Variants in GALNT13 observed in about 807,000 individuals in gnomAD.
GALNT13 encodes UDP-GalNAc:polypeptide N-acetylgalactosaminyltransferase 13.
GALNT13 carries 28 observed loss-of-function variants against 64.2 expected under a neutral mutation model. The ratio of observed to expected loss-of-function variants is 0.44; its 90% confidence interval spans 0.32 to 0.60. The LOEUF (loss-of-function observed/expected upper bound fraction) is 0.60, where lower values mean the gene tolerates loss of function less well. Among genes scored for constraint, GALNT13 ranks in the 20% least tolerant of loss-of-function variants. The probability of loss-of-function intolerance (pLI) is 0.05; values close to 1 mark genes in which losing one functional copy is unlikely to be tolerated. For synonymous variants in GALNT13, 214 were observed against 224.6 expected (o/e 0.95, Z 0.42); for missense variants, 577 against 669.8 (o/e 0.86, Z 1.53).
intron 9 of GALNT13, among the ~76,000 whole-genome samples, chr2:154,325,221 A>G (rs1286388450): frequency 6.6e-6 from 1 of 152,114 alleles, no homozygotes; most frequent in Non-Finnish European, 1.5e-5. Context: ...ACCTATGCCT[A>G]AAAAATGATG....
intron 3 of GALNT13, among the ~76,000 whole-genome samples, chr2:153,961,758 G>A (rs1322691465): frequency 6.6e-6 from 1 of 152,156 alleles, no homozygotes; most frequent in African/African-American, 2.4e-5. Context: ...TGATTAGAGA[G>A]TGGGTAACAA....
chr2:153,828,541 G>A, the GALNT13 span, among the ~76,000 whole-genome samples: 2 of 151,914 alleles, frequency 1.3e-5, no homozygotes, highest in Non-Finnish European at 2.9e-5. Context: ...GCTGGGACAC[G>A]GGGTACAAAG....
the GALNT13 span, among the ~76,000 whole-genome samples, chr2:153,584,528 A>G: frequency 6.6e-6 from 1 of 152,296 alleles, no homozygotes; most frequent in East Asian, 1.9e-4. Flanking sequence ...CATGACCACT[A>G]CTACCACCAT....
intron 2 of GALNT13, among the ~76,000 whole-genome samples, chr2:153,940,421 C>A (rs1172765988): frequency 1.3e-5 from 2 of 151,990 alleles, no homozygotes; most frequent in African/African-American, 4.8e-5. Context: ...CCACGCCCAG[C>A]TAATTTTACA....
intron 3 of GALNT13, among the ~76,000 whole-genome samples, chr2:154,004,025 A>T (rs1696088524): frequency 6.6e-6 from 1 of 152,146 alleles, no homozygotes; most frequent in Non-Finnish European, 1.5e-5. Flanking sequence ...AGACTAATAC[A>T]TACCTTTAAT....
the GALNT13 span, among the ~76,000 whole-genome samples, chr2:153,500,721 CA>C: frequency 3.0e-5 from 1 of 33,316 alleles, no homozygotes. Flanking sequence ...AGAAGAGGAT[CA>C]AACAAGAGGA....
At position 154,081,621 on chromosome 2, in the gene GALNT13, A is replaced by T. The variant is rs542446417; in HGVS notation, c.143-58716A>T. On this transcript the variant is annotated intron_variant, in intron 3 of 12. Transcript: ENST00000392825. ...TGCCCTGAAAATACTTTCTACTTGT[A>T]TCCTCACCCAAATTATACGCATTTA... Among the ~76,000 whole-genome samples, 6 of 151,794 alleles carry T rather than the reference A, an allele frequency of 4.0e-5. No individual in the cohort carries two copies. The East Asian group carries it at 1.2e-3, about 29-fold the overall frequency.
At chr2:154,437,998 G>T in intron 11 of GALNT13, 1 of 179,132 alleles carries the variant, frequency 5.6e-6, no homozygotes. Context: ...GACATTTCTT[G>T]GATATTTTCA....
chr2:153,247,147 G>A, the GALNT13 span, among the ~76,000 whole-genome samples: 1 of 152,074 alleles, frequency 6.6e-6, no homozygotes, highest in Admixed American at 6.6e-5. Context: ...AAAGTTCTTA[G>A]AGACCTACAG....
the GALNT13 span, among the ~76,000 whole-genome samples, chr2:153,171,471 G>A: frequency 1.3e-5 from 2 of 151,920 alleles, no homozygotes; most frequent in African/African-American, 4.8e-5. Flanking sequence ...TCACTAGAAT[G>A]GCTAACAAAA....
At chr2:153,188,579 A>G in the GALNT13 span, among the ~76,000 whole-genome samples, 1 of 152,168 alleles carries the variant, frequency 6.6e-6, no homozygotes, top group African/African-American at 2.4e-5. Flanking sequence ...AGCTTTGTCT[A>G]ACTCCAGGAA....
chr2:154,192,461 A>G (rs1686647588), intron 4 of GALNT13, among the ~76,000 whole-genome samples: 1 of 152,120 alleles, frequency 6.6e-6, no homozygotes, highest in African/African-American at 2.4e-5. Context: ...TACATGGACC[A>G]TGAAGTCAGC....
rs148790280 is a variant in GALNT13, at chr2:154,023,656, A to G, written c.142+79017A>G. Among the ~76,000 whole-genome samples, 988 of 152,246 alleles carry G rather than the reference A, an allele frequency of 6.5e-3. 8 individuals carry two copies. The highest frequency in any genetic ancestry group is 0.022 in the African/African-American group (915 of 41,544). On this transcript the variant is annotated intron_variant, in intron 3 of 12. Coordinates refer to ENST00000392825, the MANE Select transcript of GALNT13 (RefSeq NM_052917.4). Reference sequence around the variant, plus strand: ...GTCTTGACTCTTTATCCAGTTTGCCAGTCTGTGTCTTTTAATTGGAGCATT... The same window carrying G: ...GTCTTGACTCTTTATCCAGTTTGCCGGTCTGTGTCTTTTAATTGGAGCATT...
chr2:154,208,692 A>G (rs1687607847), intron 4 of GALNT13, among the ~76,000 whole-genome samples: 1 of 150,428 alleles, frequency 6.6e-6, no homozygotes, highest in South Asian at 2.1e-4. Flanking sequence ...TTTTATGCCT[A>G]GAACAGTGCT....
intron 3 of GALNT13, among the ~76,000 whole-genome samples, chr2:153,964,026 G>T (rs1478790696): frequency 6.6e-6 from 1 of 151,914 alleles, no homozygotes; most frequent in Non-Finnish European, 1.5e-5. Flanking sequence ...TTTAAGATTT[G>T]ATTTAATTTT....
the GALNT13 span, among the ~76,000 whole-genome samples, chr2:153,741,824 A>C: frequency 6.6e-6 from 1 of 152,096 alleles, no homozygotes; most frequent in African/African-American, 2.4e-5. Context: ...ATCTCTTTTA[A>C]AAAATTAATT....
chr2:154,306,618 T>TTG (rs1553512828), intron 9 of GALNT13, among the ~76,000 whole-genome samples: 1 of 126,408 alleles, frequency 7.9e-6, no homozygotes, highest in Non-Finnish European at 1.7e-5. Context: ...GATAATTTGG[T>TTG]GGGGGGGGGG....
At chr2:153,742,681 C>T in the GALNT13 span, among the ~76,000 whole-genome samples, 1 of 152,002 alleles carries the variant, frequency 6.6e-6, no homozygotes, top group Non-Finnish European at 1.5e-5. Context: ...ATTTGATTAT[C>T]TGATTTTGAG....
At chr2:153,385,128 G>T in the GALNT13 span, among the ~76,000 whole-genome samples, 5 of 152,154 alleles carry the variant, frequency 3.3e-5, no homozygotes, top group East Asian at 9.7e-4. Context: ...TAGTTTGGAG[G>T]TTCCTCAAAA....
Sources: allele counts gnomAD v4.1 joint callset (sites outside exome capture counted in the v4.1 genomes callset), GRCh38; gene constraint gnomAD v4.1.1; transcripts MANE v1.5; gene names NCBI Gene and HGNC (gene_info 2026-07-23, HGNC 2026-07-21).